Variants in CCDC91 observed in about 807,000 individuals in gnomAD.
CCDC91 encodes the protein coiled-coil domain-containing protein 91.
CCDC91 carries 48 observed loss-of-function variants against 63.2 expected under a neutral mutation model. That is an observed-to-expected ratio of 0.76 (90% CI 0.60 to 0.97). CCDC91 has a LOEUF of 0.97. Ranked by LOEUF, CCDC91 falls within the 50% of genes least tolerant of loss-of-function variation. CCDC91 has a pLI of 0.00. For synonymous variants in CCDC91, 167 were observed against 165.8 expected, an observed-to-expected ratio of 1.01 and a Z score of -0.06; for missense variants, 500 against 494.6, an observed-to-expected ratio of 1.01 and a Z score of -0.10.
At chr12:28,337,529 CTTG>C (rs1326829462) in intron 6 of CCDC91, among the ~76,000 whole-genome samples, 2 of 150,552 alleles carry the variant, frequency 1.3e-5, no homozygotes, top group East Asian at 3.9e-4. Flanking sequence ...GATTCATGAC[CTTG>C]TTTTTTTTTT....
chr12:28,484,241 T>C (rs1227749465), intron 12 of CCDC91, 76 bp downstream of exon 12: 1 of 706,484 alleles, frequency 1.4e-6, no homozygotes, highest in African/African-American at 1.8e-5. Context: ...AACATGAAAT[T>C]GTAAAATATT....
At chr12:28,441,977 A>G (rs76331574) in intron 8 of CCDC91, among the ~76,000 whole-genome samples, 8,764 of 152,092 alleles carry the variant, frequency 0.058, 625 homozygotes, top group East Asian at 0.27. Context: ...GACTTTTAAA[A>G]TAATCATTAT....
intron 8 of CCDC91, among the ~76,000 whole-genome samples, chr12:28,414,673 G>A (rs890799550): frequency 4.6e-5 from 7 of 152,068 alleles, no homozygotes; most frequent in Non-Finnish European, 1.0e-4. Context: ...TCCAGATCAT[G>A]GTAATGTTTT....
intron 12 of CCDC91, among the ~76,000 whole-genome samples, chr12:28,522,119 A>G (rs1001670552): frequency 5.9e-5 from 9 of 152,118 alleles, no homozygotes; most frequent in Non-Finnish European, 8.8e-5. Flanking sequence ...CTCTTTTTCT[A>G]TTGATTGGAA....
Position 28,426,603 on chromosome 12 carries a change from T to C in CCDC91, c.763-23558T>C, listed in dbSNP as rs554676210. On this transcript the variant is annotated intron_variant, in intron 8 of 12. Transcript: ENST00000536442. The stretch of plus-strand genomic sequence containing the variant: ...TTTGCCTTAGTCATGTTGAATCTAC[T>C]GATGAGCCCATCAAAGGCATTCTTC... Among the ~76,000 whole-genome samples the C allele has an allele frequency of 9.0e-4, 137 of 152,172 alleles. 1 individual carries two copies. Among genetic ancestry groups the C allele is most frequent in the Non-Finnish European group, 1.4e-3 (94 of 68,032 alleles).
intron 1 of CCDC91, among the ~76,000 whole-genome samples, chr12:28,247,479 C>CAAAA (rs71039885): frequency 1.1e-5 from 1 of 91,982 alleles, no homozygotes; most frequent in Non-Finnish European, 2.4e-5. Flanking sequence ...GACTCCGTCT[C>CAAAA]AAAAAAAAAA....
chr12:28,347,425 A>G lies in CCDC91; in HGVS notation c.577-15013A>G, dbSNP rs558002086. 8.5e-5 allele frequency among the ~76,000 whole-genome samples: 13 copies of G among 152,284 alleles called. No individual in the cohort carries two copies. The East Asian group carries it at 2.5e-3, about 29-fold the overall frequency. On this transcript the variant is annotated intron_variant, in intron 6 of 12. Transcript: ENST00000536442. ...GTACCCTATCTTTTTCACCTTTGGA[A>G]GGGACATTAGAATTGCTGCTGTGTT...
At chr12:28,236,194 T>A (rs1054932683) in intron 1 of CCDC91, 2 of 151,860 alleles carry the variant, frequency 1.3e-5, no homozygotes, top group African/African-American at 4.8e-5. Context: ...TGATGTTGAA[T>A]TTTTTTTAAT....
intron 3 of CCDC91, among the ~76,000 whole-genome samples, chr12:28,272,976 C>T (rs1947887709): frequency 6.6e-6 from 1 of 151,286 alleles, no homozygotes; most frequent in African/African-American, 2.4e-5. Context: ...TCTCCAAATG[C>T]TATCCCTTCC....
intron 12 of CCDC91, among the ~76,000 whole-genome samples, chr12:28,537,848 C>A (rs1942298863): frequency 6.6e-6 from 1 of 152,126 alleles, no homozygotes; most frequent in Non-Finnish European, 1.5e-5. Flanking sequence ...GATGATTTCG[C>A]CCAATAACTG....
At chr12:28,358,011 G>T (rs1430396814) in intron 6 of CCDC91, among the ~76,000 whole-genome samples, 1 of 152,100 alleles carries the variant, frequency 6.6e-6, no homozygotes, top group Non-Finnish European at 1.5e-5. Context: ...ACAGACTGTT[G>T]TGTCACAGTG....
At chr12:28,483,416 A>C (rs1951549701) in intron 11 of CCDC91, among the ~76,000 whole-genome samples, 2 of 152,068 alleles carry the variant, frequency 1.3e-5, no homozygotes, top group Admixed American at 1.3e-4. Flanking sequence ...AGTTTTACAG[A>C]ATTTTAGTTT....
chr12:28,342,085 T>G (rs949957869), intron 6 of CCDC91, among the ~76,000 whole-genome samples: 15 of 152,268 alleles, frequency 9.9e-5, no homozygotes, highest in Middle Eastern at 3.4e-3. Context: ...CTTAAAAATA[T>G]CGAACCTTTT....
chr12:28,412,010 A>C (rs577129065), intron 8 of CCDC91, among the ~76,000 whole-genome samples: 13 of 152,314 alleles, frequency 8.5e-5, no homozygotes, highest in African/African-American at 3.1e-4. Flanking sequence ...GGTAGGGACA[A>C]ACAAACATGG....
At chr12:28,380,580 G>A (rs1945237862) in intron 7 of CCDC91, among the ~76,000 whole-genome samples, 1 of 151,816 alleles carries the variant, frequency 6.6e-6, no homozygotes, top group African/African-American at 2.4e-5. Flanking sequence ...TTCTTCCAAG[G>A]GCCATAATAA....
At chr12:28,430,097 A>T (rs749249759) in intron 8 of CCDC91, among the ~76,000 whole-genome samples, 23 of 152,172 alleles carry the variant, frequency 1.5e-4, no homozygotes, top group Non-Finnish European at 2.6e-4. Context: ...ATACTATTAC[A>T]AATATTTATT....
intron 8 of CCDC91, among the ~76,000 whole-genome samples, chr12:28,408,264 T>C (rs1947095222): frequency 6.6e-6 from 1 of 152,162 alleles, no homozygotes; most frequent in Non-Finnish European, 1.5e-5. Context: ...GTTAGTTTGC[T>C]GAGAATGATG....
rs1323606899 is a variant in CCDC91, at chr12:28,190,640, AG to A, written c.-15+1del. 6.5e-6 allele frequency: 1 copy of A among 153,540 alleles called. No individual in the cohort carries two copies. Among genetic ancestry groups the A allele is most frequent in the East Asian group, 1.9e-4 (1 of 5,232 alleles). The allele number at this position is 153,540 out of a possible 1,614,324, so 9.5% of individuals were successfully genotyped here. ...GCAGCGGAGAGCGAGAGAGGGGAGC[AG>A]GTAAGTGAACGCTCGCCTTCCGGGG... On this transcript the variant is annotated splice_region_variant and 5_prime_UTR_variant, in exon 1 of 13. Transcript: ENST00000536442.
At chr12:28,229,246 C>A (rs1213158325) in intron 1 of CCDC91, among the ~76,000 whole-genome samples, 1 of 151,104 alleles carries the variant, frequency 6.6e-6, no homozygotes, top group Non-Finnish European at 1.5e-5. Flanking sequence ...CTTTCTGGAG[C>A]TAGGATCATG....
Sources: allele counts gnomAD v4.1 joint callset (sites outside exome capture counted in the v4.1 genomes callset), GRCh38; gene constraint gnomAD v4.1.1; transcripts MANE v1.5; gene names NCBI Gene and HGNC (gene_info 2026-07-23, HGNC 2026-07-21).